Variants in MACROD1 observed in about 807,000 individuals in gnomAD.
The protein encoded by MACROD1 is mono-ADP ribosylhydrolase 1.
MACROD1 carries 31 observed loss-of-function variants against 41.4 expected under a neutral mutation model. That is an observed-to-expected ratio of 0.75 (90% CI 0.56 to 1.01). The LOEUF is 1.01. MACROD1 is among the 50% of genes least tolerant of loss of function. MACROD1 has a pLI of 0.00. For synonymous variants in MACROD1, 252 were observed against 203.4 expected, an observed-to-expected ratio of 1.24 and a Z score of -2.03; for missense variants, 473 against 460.0, an observed-to-expected ratio of 1.03 and a Z score of -0.26.
intron 3 of MACROD1, among the ~76,000 whole-genome samples, chr11:64,116,026 G>A (rs1285063925): frequency 6.6e-6 from 1 of 152,178 alleles, no homozygotes; most frequent in Non-Finnish European, 1.5e-5. Context: ...GTTAGAGTCC[G>A]ACCTCGGCGG....
At chr11:64,015,958 C>G (rs1179323463) in intron 3 of MACROD1, among the ~76,000 whole-genome samples, 3 of 152,178 alleles carry the variant, frequency 2.0e-5, no homozygotes, top group Non-Finnish European at 2.9e-5. Context: ...CCTCATTTTC[C>G]CCATGTGGGA....
intron 3 of MACROD1, among the ~76,000 whole-genome samples, chr11:64,128,133 C>A (rs1945213713): frequency 6.6e-6 from 1 of 152,184 alleles, no homozygotes; most frequent in Non-Finnish European, 1.5e-5. Flanking sequence ...TCCTCACCTC[C>A]TGTCCTGCCA....
At chr11:64,100,316 T>C (rs948664252) in intron 3 of MACROD1, among the ~76,000 whole-genome samples, 10 of 152,242 alleles carry the variant, frequency 6.6e-5, no homozygotes, top group African/African-American at 2.4e-4. Context: ...AAATTTCTTT[T>C]AATACAGTTG....
Position 64,117,029 on chromosome 11 carries a change from G to A in MACROD1, c.517+34210C>T, listed in dbSNP as rs146150625. On this transcript the variant is annotated intron_variant, in intron 3 of 10. Transcript: ENST00000255681. ...GCCTACAGAACCTCACAGAGCTCTC[G>A]CTGGTGCGCAATTCGCTGGCCGCGC... The A allele has an allele frequency of 7.4e-5, 119 of 1,610,978 alleles. No homozygotes were observed. The highest frequency in any genetic ancestry group is 9.8e-5 in the Non-Finnish European group (116 of 1,179,066).
At chr11:64,140,314 G>T (rs1375586809) in intron 3 of MACROD1, among the ~76,000 whole-genome samples, 2 of 152,254 alleles carry the variant, frequency 1.3e-5, no homozygotes, top group Non-Finnish European at 2.9e-5. Context: ...CTGGCAGTGG[G>T]GAGTGAGGGG....
intron 3 of MACROD1, among the ~76,000 whole-genome samples, chr11:64,043,385 C>T (rs773970948): frequency 2.2e-4 from 34 of 152,176 alleles, no homozygotes; most frequent in Admixed American, 1.0e-3. Context: ...TGCTGAGCCC[C>T]GAGGTCTGGG....
intron 3 of MACROD1, among the ~76,000 whole-genome samples, chr11:64,083,598 G>C (rs1447882106): frequency 6.6e-6 from 1 of 152,198 alleles, no homozygotes; most frequent in Non-Finnish European, 1.5e-5. Flanking sequence ...TTTCGAGAAC[G>C]AGCCGGGAAT....
At chr11:64,117,052 C>T (rs1353671462) in intron 3 of MACROD1, 6 of 1,604,884 alleles carry the variant, frequency 3.7e-6, no homozygotes, top group South Asian at 1.1e-5. Context: ...TCGCTGGCCG[C>T]GCCACCCCTC....
intron 4 of MACROD1, chr11:64,001,233 C>T: frequency 1.7e-6 from 1 of 599,476 alleles, no homozygotes; most frequent in Non-Finnish European, 3.0e-6. Context: ...GCTCACCCCT[C>T]ATCGGCTGTG....
At chr11:64,044,476 T>G (rs1436650831) in intron 3 of MACROD1, among the ~76,000 whole-genome samples, 1 of 152,168 alleles carries the variant, frequency 6.6e-6, no homozygotes, top group Non-Finnish European at 1.5e-5. Context: ...CTTGAACTCC[T>G]GGCCTCAAGC....
intron 3 of MACROD1, among the ~76,000 whole-genome samples, chr11:64,017,201 C>T (rs762957520): frequency 1.3e-5 from 2 of 152,164 alleles, no homozygotes; most frequent in Admixed American, 6.5e-5. Context: ...GTACTCCTGA[C>T]CTCAAGTGAT....
intron 4 of MACROD1, among the ~76,000 whole-genome samples, chr11:64,013,495 G>A (rs147138301): frequency 6.6e-6 from 1 of 152,362 alleles, no homozygotes; most frequent in East Asian, 1.9e-4. Flanking sequence ...CAGGGTGGCC[G>A]GAGCAAAGTG....
chr11:64,046,386 C>T (rs1232122941), intron 3 of MACROD1, among the ~76,000 whole-genome samples: 1 of 152,144 alleles, frequency 6.6e-6, no homozygotes, highest in Non-Finnish European at 1.5e-5. Flanking sequence ...CAGGCTGGCC[C>T]TGGGTTCCCA....
At chr11:64,165,598 C>T (rs1026938369) in intron 1 of MACROD1, 99 bp downstream of exon 1, 1 of 1,133,842 alleles carries the variant, frequency 8.8e-7, no homozygotes, top group Admixed American at 4.2e-5. Context: ...CCCCAGGTCT[C>T]TCGGGTGGAA....
intron 3 of MACROD1, among the ~76,000 whole-genome samples, chr11:64,076,908 G>C (rs908744491): frequency 2.6e-5 from 4 of 152,222 alleles, no homozygotes; most frequent in Non-Finnish European, 5.9e-5. Context: ...TTGGGGCTAA[G>C]ACTTCTTCAT....
At position 64,056,843 on chromosome 11, in the gene MACROD1, C is replaced by G. The variant is rs572760939; in HGVS notation, c.518-41562G>C. Among the ~76,000 whole-genome samples, 4 of 152,108 alleles carry G rather than the reference C, an allele frequency of 2.6e-5. No homozygotes were observed. In the South Asian group the frequency reaches 8.3e-4, roughly 32 times the overall value. ...GTCCCACCCCCTGGGATGACCTCCACTCTGCCTTCTAAACTCATCTACACT... is the reference window on the plus strand; with the variant it reads ...GTCCCACCCCCTGGGATGACCTCCAGTCTGCCTTCTAAACTCATCTACACT... On this transcript the variant is annotated intron_variant, in intron 3 of 10. Coordinates refer to ENST00000255681, the MANE Select transcript of MACROD1 (RefSeq NM_014067.4).
chr11:64,100,382 T>C (rs953712767), intron 3 of MACROD1, among the ~76,000 whole-genome samples: 1 of 152,182 alleles, frequency 6.6e-6, no homozygotes, highest in African/African-American at 2.4e-5. Context: ...CAAAGTACTT[T>C]TACTCAAAAT....
intron 3 of MACROD1, among the ~76,000 whole-genome samples, chr11:64,048,756 TA>T (rs1943634173): frequency 6.6e-6 from 1 of 152,140 alleles, no homozygotes; most frequent in Non-Finnish European, 1.5e-5. Context: ...CCAGATCCCA[TA>T]ACTCTAAGGG....
intron 3 of MACROD1, among the ~76,000 whole-genome samples, chr11:64,025,230 T>C (rs986593092): frequency 6.6e-6 from 1 of 152,160 alleles, no homozygotes; most frequent in African/African-American, 2.4e-5. Context: ...AGTACTCAGA[T>C]TACAGGTAGG....
Sources: gnomAD v4.1 joint callset for allele counts (sites outside exome capture counted in the v4.1 genomes callset) on GRCh38, gnomAD v4.1.1 for gene constraint, MANE v1.5 for transcripts, NCBI Gene and HGNC (gene_info 2026-07-23, HGNC 2026-07-21) for gene names.